Variants in ABCG8 observed in about 807,000 individuals in gnomAD.
ABCG8 encodes the protein ATP-binding cassette sub-family G member 8.
In ABCG8, 81 loss-of-function variants were observed where a neutral mutation model predicts 71.3. That is an observed-to-expected ratio of 1.14 (90% CI 0.95 to 1.37). The LOEUF (loss-of-function observed/expected upper bound fraction) is 1.37, where lower values mean the gene tolerates loss of function less well. ABCG8 is among the 40% of genes most tolerant of loss of function. The pLI is 0.00. For missense variants in ABCG8, 1,119 were observed against 866.2 expected (o/e 1.29, Z -3.66); for synonymous variants, 451 against 354.7 (o/e 1.27, Z -3.05).
At chr2:43,851,885 C>T (rs1248782782) in intron 4 of ABCG8, 63 bp downstream of exon 4, 4 of 1,556,272 alleles carry the variant, frequency 2.6e-6, no homozygotes, top group Admixed American at 1.7e-5. Flanking sequence ...ATGCCCCGCT[C>T]CTCCCCTGCT....
chr2:43,868,977 C>G (rs1669648901), intron 6 of ABCG8, among the ~76,000 whole-genome samples: 1 of 152,114 alleles, frequency 6.6e-6, no homozygotes, highest in Non-Finnish European at 1.5e-5. Context: ...AGAACTCTCA[C>G]TGTCTATCTG....
rs537784677 is a variant in ABCG8 at position 43,839,403 on chromosome 2, C to CTTTTTTTTTTT, written c.63+318_63+328dup. Among the ~76,000 whole-genome samples, 80 of 59,306 alleles carry CTTTTTTTTTTT rather than the reference C, an allele frequency of 1.3e-3. 15 individuals are homozygous for CTTTTTTTTTTT. The highest frequency in any genetic ancestry group is 2.0e-3 in the Non-Finnish European group (63 of 31,216). The allele number at this position is 59,306 out of a possible 152,430, so 38.9% of individuals were successfully genotyped here. ...CACTTTTTCTTTTTTCTTTTCTTCT[C>CTTTTTTTTTTT]TTTTTTTTTTTTTTTTTTTTTTTTT... On this transcript the variant is annotated intron_variant, in intron 1 of 12. Coordinates refer to ENST00000272286, the MANE Select transcript of ABCG8 (RefSeq NM_022437.3).
At chr2:43,848,687 A>G (rs1337321450) in intron 3 of ABCG8, 1 of 152,074 alleles carries the variant, frequency 6.6e-6, no homozygotes, top group East Asian at 1.9e-4. Context: ...CAACATACAC[A>G]CAAAAGAACG....
At chr2:43,845,669 T>G (rs1201272968) in intron 2 of ABCG8, among the ~76,000 whole-genome samples, 3 of 152,192 alleles carry the variant, frequency 2.0e-5, no homozygotes, top group African/African-American at 7.2e-5. Context: ...TCACCCAGGC[T>G]GGGATGCAGT....
rs562697603 is a variant in ABCG8, at chr2:43,859,565, C to G, written c.964+6697C>G. 2.0e-5 allele frequency among the ~76,000 whole-genome samples: 3 copies of G among 151,140 alleles called. No individual in the cohort carries two copies. In the East Asian group the frequency reaches 5.9e-4, roughly 29 times the overall value. ...ACTATTTGTCTGGAAAGAATTCTCA[C>G]TCTGTGGATAGAACTGTCGCTATCA... On this transcript the variant is annotated intron_variant, in intron 6 of 12. Coordinates refer to ENST00000272286, the MANE Select transcript of ABCG8 (RefSeq NM_022437.3).
At chr2:43,857,523 A>G (rs1669155929) in intron 6 of ABCG8, among the ~76,000 whole-genome samples, 1 of 151,138 alleles carries the variant, frequency 6.6e-6, no homozygotes, top group Admixed American at 6.6e-5. Context: ...CACTATCTAT[A>G]TGGAAAGAAT....
chr2:43,855,058 G>A (rs1669055723), intron 6 of ABCG8, among the ~76,000 whole-genome samples: 1 of 152,192 alleles, frequency 6.6e-6, no homozygotes, highest in Non-Finnish European at 1.5e-5. Context: ...CCTGCTTTCG[G>A]CAGGGTGCCT....
chr2:43,862,367 G>C (rs1336314843), intron 6 of ABCG8, among the ~76,000 whole-genome samples: 5 of 150,224 alleles, frequency 3.3e-5, no homozygotes, highest in African/African-American at 1.2e-4. Flanking sequence ...TGTGTATCTG[G>C]ATAGAATTTT....
rs546110598 is a variant in ABCG8, at chr2:43,846,833, G to C, written c.322+522G>C. 4 of 188,462 alleles carry C rather than the reference G, an allele frequency of 2.1e-5. No individual in the cohort carries two copies. In the South Asian group the frequency reaches 4.5e-4, roughly 21 times the overall value. 11.7% of individuals were successfully genotyped at this position (188,462 alleles called of 1,614,324 possible). A position where few individuals can be genotyped will look rare whatever the true frequency, so the allele number is the denominator to read the frequency against. On this transcript the variant is annotated intron_variant, in intron 3 of 12. Coordinates refer to ENST00000272286, the MANE Select transcript of ABCG8 (RefSeq NM_022437.3). The stretch of plus-strand genomic sequence containing the variant: ...ATTTCCATGGCCAAATTTAAAATGA[G>C]AGAATGTCTGAGCTGAAAGGGGGCT...
At chr2:43,872,592 G>A (rs1420285783) in intron 8 of ABCG8, among the ~76,000 whole-genome samples, 8 of 151,954 alleles carry the variant, frequency 5.3e-5, no homozygotes, top group South Asian at 2.1e-4. Context: ...TTATGGTGGC[G>A]TGGGCCTACC....
rs997092423 is a variant in ABCG8 at position 43,878,890 on chromosome 2, AGAGT to A, written c.*986_*989del. ...TGGTTTCTCTGATGCTGTTCTCCTGAGAGTGAGTGAGTTCTGATGAGATCCGACG... is the reference window on the plus strand; with the variant it reads ...TGGTTTCTCTGATGCTGTTCTCCTGAGAGTGAGTTCTGATGAGATCCGACG... On this transcript the variant is annotated 3_prime_UTR_variant, in exon 13 of 13. Coordinates refer to ENST00000272286, the MANE Select transcript of ABCG8 (RefSeq NM_022437.3). The A allele has an allele frequency of 3.9e-5, 6 of 152,208 alleles. No individual in the cohort carries two copies. The highest frequency in any genetic ancestry group is 2.0e-4 in the Admixed American group (3 of 15,284). The allele number at this position is 152,208 out of a possible 1,614,324, so 9.4% of individuals were successfully genotyped here. A position where few individuals can be genotyped will look rare whatever the true frequency, so the allele number is the denominator to read the frequency against.
chr2:43,856,087 G>C (rs1353407656), intron 6 of ABCG8, among the ~76,000 whole-genome samples: 1 of 149,984 alleles, frequency 6.7e-6, no homozygotes, highest in African/African-American at 2.5e-5. Flanking sequence ...TCTGGATACA[G>C]TTCTAACTAT....
Position 43,851,901 on chromosome 2 carries a change from G to C in ABCG8, c.561+79G>C. On this transcript the variant is annotated intron_variant, in intron 4 of 12. Transcript: ENST00000272286. ...TGCCCCGCTCCTCCCCTGCTGCCTTGCCTCAGGACCCAGCCGCAGGTCGAG... is the reference window on the plus strand; with the variant it reads ...TGCCCCGCTCCTCCCCTGCTGCCTTCCCTCAGGACCCAGCCGCAGGTCGAG... 3 of 1,502,182 alleles carry C rather than the reference G, an allele frequency of 2.0e-6. No homozygotes were observed. In the Admixed American group the frequency reaches 5.0e-5, roughly 25 times the overall value. 93.1% of individuals were successfully genotyped at this position (1,502,182 alleles called of 1,614,324 possible).
At chr2:43,866,380 A>G (rs2104938296) in intron 6 of ABCG8, among the ~76,000 whole-genome samples, 1 of 152,274 alleles carries the variant, frequency 6.6e-6, no homozygotes, top group Non-Finnish European at 1.5e-5. Flanking sequence ...CTGCACAGCA[A>G]AAGAAACTAC....
intron 6 of ABCG8, among the ~76,000 whole-genome samples, chr2:43,867,383 C>T (rs1195839548): frequency 6.6e-6 from 1 of 151,956 alleles, no homozygotes; most frequent in African/African-American, 2.4e-5. Flanking sequence ...CTGGAGAGAA[C>T]TCTCACTATC....
At chr2:43,853,245 C>T (rs1668988879) in intron 6 of ABCG8, among the ~76,000 whole-genome samples, 1 of 152,200 alleles carries the variant, frequency 6.6e-6, no homozygotes, top group Non-Finnish European at 1.5e-5. Context: ...CCCTGGTGTT[C>T]CCACAGTGGC....
chr2:43,849,421 G>A (rs1314733320), intron 3 of ABCG8, among the ~76,000 whole-genome samples: 1 of 152,186 alleles, frequency 6.6e-6, no homozygotes, highest in African/African-American at 2.4e-5. Context: ...TAAACCATAA[G>A]AGTGTAAACT....
chr2:43,871,376 A>G (rs1192001072), intron 6 of ABCG8, among the ~76,000 whole-genome samples: 1 of 151,456 alleles, frequency 6.6e-6, no homozygotes, highest in Non-Finnish European at 1.5e-5. Flanking sequence ...CTCTGGATAG[A>G]ACTCTCACTA....
intron 6 of ABCG8, among the ~76,000 whole-genome samples, chr2:43,860,491 C>T (rs1363256678): frequency 4.0e-5 from 6 of 151,202 alleles, no homozygotes; most frequent in African/African-American, 1.5e-4. Context: ...GGATGGAACT[C>T]TCACCCTCTA....
Sources: gnomAD v4.1 joint callset for allele counts (sites outside exome capture counted in the v4.1 genomes callset) on GRCh38, gnomAD v4.1.1 for gene constraint, MANE v1.5 for transcripts, NCBI Gene and HGNC (gene_info 2026-07-23, HGNC 2026-07-21) for gene names.